The following ROBO2 variants were observed in gnomAD, a reference collection of about 807,000 sequenced individuals.
ROBO2 encodes the protein roundabout homolog 2.
Under a neutral mutation model 160.8 loss-of-function variants are expected in ROBO2, and 53 were observed. That is an observed-to-expected ratio of 0.33 (90% confidence interval 0.26 to 0.41). The LOEUF is 0.41. Among genes scored for constraint, ROBO2 ranks in the 10% least tolerant of loss-of-function variants. ROBO2 has a pLI of 1.00. For missense variants in ROBO2, 1,577 were observed against 1,722.4 expected, an observed-to-expected ratio of 0.92 and a Z score of 1.49; for synonymous variants, 664 against 611.7, an observed-to-expected ratio of 1.09 and a Z score of -1.26.
intron 2 of ROBO2, among the ~76,000 whole-genome samples, chr3:76,116,415 C>A (rs2070474031): frequency 6.6e-6 from 1 of 152,120 alleles, no homozygotes; most frequent in Non-Finnish European, 1.5e-5. Context: ...CCCTGCTATA[C>A]CATTTCTGCA....
At chr3:76,105,592 G>T (rs1416502966) in intron 2 of ROBO2, among the ~76,000 whole-genome samples, 3 of 152,142 alleles carry the variant, frequency 2.0e-5, no homozygotes, top group African/African-American at 7.2e-5. Flanking sequence ...AAGAAGTCAG[G>T]TGGATACAGA....
chr3:77,559,533 G>A (rs2153659688), intron 9 of ROBO2, among the ~76,000 whole-genome samples: 1 of 152,172 alleles, frequency 6.6e-6, no homozygotes, highest in African/African-American at 2.4e-5. Context: ...TTGGGTCCAG[G>A]TTGAAATTCA....
chr3:76,761,991 G>T (rs995073729), intron 2 of ROBO2, among the ~76,000 whole-genome samples: 5 of 141,952 alleles, frequency 3.5e-5, no homozygotes, highest in Admixed American at 7.5e-5. Flanking sequence ...AGACATTTAT[G>T]GGAATCAATA....
chr3:76,771,717 C>T (rs183829261), intron 2 of ROBO2, among the ~76,000 whole-genome samples: 150 of 151,138 alleles, frequency 9.9e-4, no homozygotes, highest in Non-Finnish European at 1.7e-3. Flanking sequence ...AATAAAAATA[C>T]GATTTTTATA....
intron 2 of ROBO2, among the ~76,000 whole-genome samples, chr3:76,735,880 G>A (rs1273154267): frequency 6.6e-6 from 1 of 151,188 alleles, no homozygotes; most frequent in Non-Finnish European, 1.5e-5. Flanking sequence ...CCAAACCTCA[G>A]CATCATGCAA....
chr3:77,350,450 T>G (rs1193462130), intron 2 of ROBO2, among the ~76,000 whole-genome samples: 2 of 152,140 alleles, frequency 1.3e-5, no homozygotes, highest in Non-Finnish European at 2.9e-5. Flanking sequence ...TCACTTCCAC[T>G]GAATATGGAG....
At chr3:76,042,288 T>G (rs909050534) in intron 2 of ROBO2, among the ~76,000 whole-genome samples, 2 of 152,092 alleles carry the variant, frequency 1.3e-5, no homozygotes, top group Middle Eastern at 3.4e-3. Flanking sequence ...ATATAAGAAC[T>G]TTGCTAATAG....
chr3:76,414,314 C>T (rs115993284), intron 2 of ROBO2, among the ~76,000 whole-genome samples: 2 of 152,004 alleles, frequency 1.3e-5, no homozygotes, highest in African/African-American at 2.4e-5. Flanking sequence ...ATAAAATTAA[C>T]ACTCAACTCT....
At chr3:77,478,381 A>G (rs1438652915) in intron 3 of ROBO2, among the ~76,000 whole-genome samples, 1 of 152,244 alleles carries the variant, frequency 6.6e-6, no homozygotes, top group African/African-American at 2.4e-5. Context: ...GATGTAAAAT[A>G]AAATGGAAAT....
At chr3:76,811,773 CCCTCCTTCCTTCCTT>C (rs1405958091) in intron 2 of ROBO2, among the ~76,000 whole-genome samples, 6 of 148,152 alleles carry the variant, frequency 4.0e-5, no homozygotes, top group African/African-American at 1.0e-4. Context: ...TTCTCTCTTT[CCCTCCTTCCTTCCTT>C]CCTTCCTTCC....
chr3:76,114,698 T>C (rs957534413), intron 2 of ROBO2, among the ~76,000 whole-genome samples: 5 of 152,132 alleles, frequency 3.3e-5, no homozygotes, highest in Non-Finnish European at 7.3e-5. Flanking sequence ...CACATACTTT[T>C]CACTTTATTA....
At chr3:76,989,253 C>T (rs994289838) in intron 2 of ROBO2, among the ~76,000 whole-genome samples, 2 of 152,006 alleles carry the variant, frequency 1.3e-5, no homozygotes, top group African/African-American at 4.8e-5. Context: ...AAGCACTTTG[C>T]ATGGGATATT....
chr3:76,785,941 G>T (rs2062945230), intron 2 of ROBO2, among the ~76,000 whole-genome samples: 1 of 151,312 alleles, frequency 6.6e-6, no homozygotes, highest in Non-Finnish European at 1.5e-5. Flanking sequence ...GTCAAGTACA[G>T]TGAGGATGTA....
chr3:76,655,439 C>CAT lies in ROBO2; in HGVS notation c.110-442560_110-442559dup, dbSNP rs747521584. ...GTGTTTCTGTGTATGGATTTTTTTC[C>CAT]ATATATATATATATATGGATTTTTT... On this transcript the variant is annotated intron_variant, in intron 2 of 26. Coordinates refer to the ROBO2 transcript ENST00000487694. Among the ~76,000 whole-genome samples the CAT allele has an allele frequency of 6.9e-4, 40 of 57,762 alleles. 2 individuals are homozygous for CAT. The highest frequency in any genetic ancestry group is 4.7e-3 in the South Asian group (4 of 860). 37.9% of individuals were successfully genotyped at this position (57,762 alleles called of 152,430 possible).
In ROBO2 at chr3:76,803,378, GGAT is replaced by G. The variant is rs1470841120; in HGVS notation, c.110-294635_110-294633del. Among the ~76,000 whole-genome samples, 10 of 148,032 alleles carry G rather than the reference GGAT, an allele frequency of 6.8e-5. No homozygotes were observed. In the South Asian group the frequency reaches 2.1e-3, roughly 32 times the overall value. On this transcript the variant is annotated intron_variant, in intron 2 of 26. Coordinates refer to the ROBO2 transcript ENST00000487694. Reference sequence around the variant, plus strand: ...AGCGGGAGGAGGAAGAGGAGGAGGAGGATACAGAAAAGGAGGAGGAGGATACAG... The same window carrying G: ...AGCGGGAGGAGGAAGAGGAGGAGGAGACAGAAAAGGAGGAGGAGGATACAG...
intron 2 of ROBO2, among the ~76,000 whole-genome samples, chr3:76,483,620 C>T (rs763921051): frequency 5.9e-5 from 9 of 152,050 alleles, no homozygotes; most frequent in Non-Finnish European, 7.4e-5. Flanking sequence ...AGGAAAAGAA[C>T]GCTTGTGTCA....
At chr3:76,635,248 A>G (rs186650155) in intron 2 of ROBO2, among the ~76,000 whole-genome samples, 1 of 152,178 alleles carries the variant, frequency 6.6e-6, no homozygotes, top group East Asian at 1.9e-4. Flanking sequence ...CTGAGTTTAC[A>G]TCTTCAGCTT....
chr3:77,235,082 T>TA (rs1389482309), intron 2 of ROBO2, among the ~76,000 whole-genome samples: 1 of 152,238 alleles, frequency 6.6e-6, no homozygotes, highest in Non-Finnish European at 1.5e-5. Context: ...GCTTTCTTTA[T>TA]ATCTTCTCCC....
At chr3:76,783,531 A>C (rs2108634916) in intron 2 of ROBO2, among the ~76,000 whole-genome samples, 1 of 141,690 alleles carries the variant, frequency 7.1e-6, no homozygotes, top group African/African-American at 2.6e-5. Flanking sequence ...TTTTTTTTCC[A>C]GTGCTTTCAA....
Sources: gnomAD v4.1 joint callset for allele counts (sites outside exome capture counted in the v4.1 genomes callset) on GRCh38, gnomAD v4.1.1 for gene constraint, MANE v1.5 for transcripts, NCBI Gene and HGNC (gene_info 2026-07-23, HGNC 2026-07-21) for gene names.